The following PLPPR1 variants were observed in gnomAD, a reference collection of about 807,000 sequenced individuals.
PLPPR1 encodes phospholipid phosphatase related 1.
A neutral mutation model predicts 33.1 loss-of-function variants in PLPPR1; 10 were observed. The observed-to-expected ratio is 0.30, with a 90% CI of 0.19 to 0.51. PLPPR1 has a LOEUF of 0.51. Among genes scored for constraint, PLPPR1 ranks in the 20% least tolerant of loss-of-function variants. The pLI is 0.97. For synonymous variants in PLPPR1, 151 were observed against 151.0 expected (o/e 1.00, Z 0.00); for missense variants, 304 against 408.1 (o/e 0.74, Z 2.20).
At chr9:101,194,242 A>G (rs1046550770) in intron 2 of PLPPR1, among the ~76,000 whole-genome samples, 2 of 152,204 alleles carry the variant, frequency 1.3e-5, no homozygotes, top group South Asian at 2.1e-4. Context: ...ACCCAGCTAT[A>G]TAAAATCTTA....
intron 1 of PLPPR1, among the ~76,000 whole-genome samples, chr9:101,077,981 A>AT (rs1830560496): frequency 6.6e-6 from 1 of 150,654 alleles, no homozygotes. Flanking sequence ...ATTCCTTTTC[A>AT]TACCTTTGAT....
intron 1 of PLPPR1, among the ~76,000 whole-genome samples, chr9:101,166,396 A>G (rs1825858984): frequency 6.6e-6 from 1 of 152,230 alleles, no homozygotes; most frequent in Admixed American, 6.5e-5. Context: ...GTTTAATATC[A>G]TCTTTCCAAA....
chr9:101,283,036 T>C (rs1246300605), intron 3 of PLPPR1, among the ~76,000 whole-genome samples: 1 of 152,142 alleles, frequency 6.6e-6, no homozygotes, highest in Non-Finnish European at 1.5e-5. Flanking sequence ...GGGATCTCGC[T>C]CTGTTGACCA....
intron 3 of PLPPR1, among the ~76,000 whole-genome samples, chr9:101,274,371 C>T (rs539917461): frequency 1.3e-4 from 20 of 152,258 alleles, no homozygotes; most frequent in African/African-American, 4.3e-4. Flanking sequence ...AGATGATTTG[C>T]TGAAGGTTCC....
intron 2 of PLPPR1, among the ~76,000 whole-genome samples, chr9:101,251,761 G>A (rs187852680): frequency 2.4e-4 from 37 of 152,210 alleles, no homozygotes; most frequent in Admixed American, 1.2e-3. Flanking sequence ...AGAAGAGAAC[G>A]TACTGGCTCA....
intron 2 of PLPPR1, among the ~76,000 whole-genome samples, chr9:101,217,320 C>G (rs1248829870): frequency 6.6e-6 from 1 of 151,986 alleles, no homozygotes; most frequent in Non-Finnish European, 1.5e-5. Context: ...GACATTTGAA[C>G]CTATTATAAC....
chr9:101,194,118 A>C (rs1169265339), intron 2 of PLPPR1, among the ~76,000 whole-genome samples: 1 of 151,934 alleles, frequency 6.6e-6, no homozygotes, highest in Non-Finnish European at 1.5e-5. Context: ...TAATCAGAAA[A>C]CTCCTTTGAC....
intron 2 of PLPPR1, among the ~76,000 whole-genome samples, chr9:101,251,195 C>A (rs1472489263): frequency 1.3e-5 from 2 of 151,994 alleles, no homozygotes; most frequent in African/African-American, 2.4e-5. Context: ...CCATGTGGAC[C>A]AAGACTTCAT....
At chr9:101,296,023 A>T (rs1271255067) in intron 4 of PLPPR1, among the ~76,000 whole-genome samples, 1 of 151,858 alleles carries the variant, frequency 6.6e-6, no homozygotes, top group East Asian at 1.9e-4. Context: ...GCAACCTATA[A>T]AATGGGAGAA....
chr9:101,266,770 G>C (rs761580646), intron 2 of PLPPR1, among the ~76,000 whole-genome samples: 76 of 152,148 alleles, frequency 5.0e-4, no homozygotes, highest in Non-Finnish European at 1.0e-3. Context: ...TTGGTGTTAA[G>C]ATAGTTCTGT....
At chr9:101,284,803 A>C (rs890191928) in intron 3 of PLPPR1, among the ~76,000 whole-genome samples, 2 of 152,222 alleles carry the variant, frequency 1.3e-5, no homozygotes, top group African/African-American at 4.8e-5. Context: ...AAGGTATGGA[A>C]TTAAAACATT....
intron 2 of PLPPR1, among the ~76,000 whole-genome samples, chr9:101,214,956 G>A (rs1243716733): frequency 6.6e-6 from 1 of 150,918 alleles, no homozygotes; most frequent in Non-Finnish European, 1.5e-5. Flanking sequence ...CTGGGAGGCA[G>A]ACGTTGTAGT....
At chr9:101,093,391 A>C (rs1000386026) in intron 1 of PLPPR1, among the ~76,000 whole-genome samples, 4 of 152,144 alleles carry the variant, frequency 2.6e-5, no homozygotes, top group African/African-American at 9.7e-5. Context: ...ATTTCAGAAA[A>C]ATTCATTCAT....
At chr9:101,038,422 G>A (rs1830036633) in intron 1 of PLPPR1, among the ~76,000 whole-genome samples, 1 of 151,974 alleles carries the variant, frequency 6.6e-6, no homozygotes, top group South Asian at 2.1e-4. Context: ...ATTCTAGCAA[G>A]AGAAAAAAAT....
intron 2 of PLPPR1, among the ~76,000 whole-genome samples, chr9:101,240,409 A>ACTGTTTTTTTTTTTTTTTTTTTTTTT (rs1564012614): frequency 5.3e-5 from 8 of 151,796 alleles, no homozygotes; most frequent in African/African-American, 1.9e-4. Flanking sequence ...AAATTTTAGA[A>ACTGTTTTTTTTTTTTTTTTTTTTTTT]TTGTTTTTTT....
chr9:101,056,654 G>A (rs1830281879), intron 1 of PLPPR1, among the ~76,000 whole-genome samples: 1 of 152,166 alleles, frequency 6.6e-6, no homozygotes, highest in Non-Finnish European at 1.5e-5. Context: ...ACAGAATATA[G>A]CCTGAGTAGG....
intron 6 of PLPPR1, among the ~76,000 whole-genome samples, chr9:101,313,960 A>G (rs1158003429): frequency 1.3e-5 from 2 of 152,210 alleles, no homozygotes; most frequent in African/African-American, 4.8e-5. Flanking sequence ...TTTGAGATTC[A>G]TCTATGTTGT....
At chr9:101,035,871 C>A (rs543656415) in intron 1 of PLPPR1, among the ~76,000 whole-genome samples, 2 of 152,236 alleles carry the variant, frequency 1.3e-5, no homozygotes, top group Non-Finnish European at 2.9e-5. Flanking sequence ...AACTAAGGAA[C>A]TGCAGCAACT....
At chr9:101,139,346 T>C (rs1277400382) in intron 1 of PLPPR1, among the ~76,000 whole-genome samples, 1 of 152,130 alleles carries the variant, frequency 6.6e-6, no homozygotes, top group African/African-American at 2.4e-5. Context: ...GAGGGGTGTG[T>C]GCTTAAAGGA....
Sources: allele counts gnomAD v4.1 joint callset (sites outside exome capture counted in the v4.1 genomes callset), GRCh38; gene constraint gnomAD v4.1.1; transcripts MANE v1.5; gene names NCBI Gene and HGNC (gene_info 2026-07-23, HGNC 2026-07-21).